The following WWOX variants were observed in gnomAD, a reference collection of about 807,000 sequenced individuals.
The protein encoded by WWOX is WW domain containing oxidoreductase, also known as WW domain-containing oxidoreductase.
Under a neutral mutation model 46.2 loss-of-function variants are expected in WWOX, and 69 were observed. The observed-to-expected ratio is 1.49, with a 90% CI of 1.23 to 1.82. WWOX has a LOEUF of 1.82. WWOX is among the 40% of genes most tolerant of loss of function. The pLI is 0.00. For missense variants in WWOX, 919 were observed against 542.6 expected, an observed-to-expected ratio of 1.69 and a Z score of -6.89; for synonymous variants, 359 against 202.6, an observed-to-expected ratio of 1.77 and a Z score of -6.56.
At chr16:78,201,483 G>C (rs972264934) in intron 5 of WWOX, among the ~76,000 whole-genome samples, 20 of 152,034 alleles carry the variant, frequency 1.3e-4, no homozygotes, top group African/African-American at 4.6e-4. Context: ...TAAATGAGTA[G>C]CAGGTTGAAA....
chr16:78,852,311 C>G (rs1314081032), intron 8 of WWOX, among the ~76,000 whole-genome samples: 1 of 152,114 alleles, frequency 6.6e-6, no homozygotes, highest in Admixed American at 6.5e-5. Flanking sequence ...GAAGTGATAG[C>G]GCATGACCTC....
intron 8 of WWOX, among the ~76,000 whole-genome samples, chr16:78,506,763 G>T (rs1391975839): frequency 7.2e-6 from 1 of 139,138 alleles, no homozygotes; most frequent in East Asian, 2.1e-4. Context: ...AGGCTGTAGT[G>T]CAGTGGAACA....
At chr16:78,736,711 C>T (rs1358829499) in intron 8 of WWOX, among the ~76,000 whole-genome samples, 1 of 152,142 alleles carries the variant, frequency 6.6e-6, no homozygotes, top group African/African-American at 2.4e-5. Context: ...GATCCTCCCA[C>T]CTCAACGTCC....
chr16:79,146,458 G>A (rs1433640225), intron 8 of WWOX, among the ~76,000 whole-genome samples: 3 of 152,128 alleles, frequency 2.0e-5, no homozygotes, highest in South Asian at 2.1e-4. Context: ...CCTGGGCAGC[G>A]TAGTAGAAGG....
intron 8 of WWOX, among the ~76,000 whole-genome samples, chr16:78,568,716 C>G (rs186788556): frequency 6.6e-6 from 1 of 152,246 alleles, no homozygotes; most frequent in Admixed American, 6.5e-5. Flanking sequence ...CTTGAGTGAT[C>G]TACCTGCCTC....
At chr16:78,207,292 T>C (rs1249274992) in intron 5 of WWOX, among the ~76,000 whole-genome samples, 1 of 152,242 alleles carries the variant, frequency 6.6e-6, no homozygotes. Flanking sequence ...TGGGCTTTGA[T>C]GACTATTCTT....
intron 8 of WWOX, among the ~76,000 whole-genome samples, chr16:78,607,445 C>T (rs1424969000): frequency 5.3e-5 from 8 of 152,040 alleles, no homozygotes; most frequent in Admixed American, 5.2e-4. Context: ...TAATTAAGCA[C>T]AAATTGTTTC....
At chr16:78,454,458 G>GT (rs200578242) in intron 8 of WWOX, among the ~76,000 whole-genome samples, 9,602 of 151,534 alleles carry the variant, frequency 0.063, 370 homozygotes, top group East Asian at 0.088. Context: ...GTGTCCTGCT[G>GT]TTTTTTTTCC....
At chr16:78,294,312 T>A (rs976821894) in intron 5 of WWOX, among the ~76,000 whole-genome samples, 1 of 152,110 alleles carries the variant, frequency 6.6e-6, no homozygotes, top group Non-Finnish European at 1.5e-5. Flanking sequence ...GAGGCACTGG[T>A]GCATATTTCT....
intron 8 of WWOX, among the ~76,000 whole-genome samples, chr16:78,598,707 A>C (rs1226388008): frequency 6.6e-6 from 1 of 152,140 alleles, no homozygotes; most frequent in Non-Finnish European, 1.5e-5. Context: ...TTAAATGCAA[A>C]AGGAGTTAAT....
chr16:78,584,979 G>A (rs375190769), intron 8 of WWOX, among the ~76,000 whole-genome samples: 24 of 152,184 alleles, frequency 1.6e-4, no homozygotes, highest in African/African-American at 5.5e-4. Flanking sequence ...CTGAGGGTTG[G>A]GTGCCAAAGA....
chr16:79,019,971 C>G (rs1459492841), intron 8 of WWOX, among the ~76,000 whole-genome samples: 1 of 152,178 alleles, frequency 6.6e-6, no homozygotes, highest in African/African-American at 2.4e-5. Flanking sequence ...ATCAGTTAGC[C>G]TCTCACTTCT....
intron 8 of WWOX, among the ~76,000 whole-genome samples, chr16:78,455,952 G>T (rs766457255): frequency 6.6e-6 from 1 of 152,218 alleles, no homozygotes; most frequent in African/African-American, 2.4e-5. Flanking sequence ...TAAGGGAGCT[G>T]GCATAGGCCG....
At chr16:78,338,350 G>T (rs1424031005) in intron 5 of WWOX, among the ~76,000 whole-genome samples, 1 of 121,524 alleles carries the variant, frequency 8.2e-6, no homozygotes, top group Non-Finnish European at 2.0e-5. Flanking sequence ...TGTGAAGTCT[G>T]TAGAGACAAA....
chr16:78,695,382 T>C (rs139093539), intron 8 of WWOX, among the ~76,000 whole-genome samples: 20 of 152,174 alleles, frequency 1.3e-4, no homozygotes, highest in African/African-American at 4.8e-4. Flanking sequence ...AATGAATGAG[T>C]TTTTGCTCCT....
At chr16:78,663,657 G>T (rs1413865590) in intron 8 of WWOX, among the ~76,000 whole-genome samples, 1 of 152,198 alleles carries the variant, frequency 6.6e-6, no homozygotes, top group Non-Finnish European at 1.5e-5. Flanking sequence ...TGACATCCAG[G>T]ATGTGTCTTG....
At chr16:78,359,654 C>A (rs1256903722) in intron 5 of WWOX, among the ~76,000 whole-genome samples, 2 of 152,090 alleles carry the variant, frequency 1.3e-5, no homozygotes, top group East Asian at 1.9e-4. Flanking sequence ...TACAGAGATA[C>A]CGTAACATTT....
At chr16:78,962,019 C>G (rs1233479857) in intron 8 of WWOX, among the ~76,000 whole-genome samples, 2 of 152,106 alleles carry the variant, frequency 1.3e-5, no homozygotes, top group African/African-American at 4.8e-5. Context: ...TCCTTCCAGG[C>G]TGCTCCTGAG....
intron 6 of WWOX, among the ~76,000 whole-genome samples, chr16:78,400,843 G>C (rs558980097): frequency 1.3e-5 from 2 of 152,326 alleles, no homozygotes; most frequent in East Asian, 1.9e-4. Flanking sequence ...ACTTGTTTCT[G>C]AGATAGGGCT....
Sources: gnomAD v4.1 joint callset for allele counts (sites outside exome capture counted in the v4.1 genomes callset) on GRCh38, gnomAD v4.1.1 for gene constraint, MANE v1.5 for transcripts, NCBI Gene and HGNC (gene_info 2026-07-23, HGNC 2026-07-21) for gene names.